The following NCAPG variants were observed in gnomAD, a reference collection of about 807,000 sequenced individuals.
The protein encoded by NCAPG is non-SMC condensin I complex subunit G.
Under a neutral mutation model 113.1 loss-of-function variants are expected in NCAPG, and 69 were observed. The ratio of observed to expected loss-of-function variants is 0.61; its 90% confidence interval spans 0.50 to 0.75. The LOEUF (loss-of-function observed/expected upper bound fraction) is 0.75, where lower values mean the gene tolerates loss of function less well. NCAPG is among the 30% of genes least tolerant of loss of function. The pLI, the probability that NCAPG is intolerant of heterozygous loss-of-function variation, is 0.00. For synonymous variants in NCAPG, 370 were observed against 415.8 expected (o/e 0.89, Z 1.34); for missense variants, 1,058 against 1,177.0 (o/e 0.90, Z 1.48).
chr4:17,813,243 T>C, intron 3 of NCAPG, 98 bp downstream of exon 3: 1 of 949,788 alleles, frequency 1.1e-6, no homozygotes, highest in Non-Finnish European at 1.5e-6. Flanking sequence ...TTGAAGAGTA[T>C]AGGTAATTAA....
At chr4:17,826,092 G>A (rs78490093) in intron 11 of NCAPG, among the ~76,000 whole-genome samples, 1 of 151,830 alleles carries the variant, frequency 6.6e-6, no homozygotes, top group Non-Finnish European at 1.5e-5. Context: ...TCAGTAGTTC[G>A]TTTTTTAAAA....
At chr4:17,815,166 TA>T (rs1366861028) in intron 4 of NCAPG, 107 bp from the exon 5 acceptor site, 3 of 1,234,984 alleles carry the variant, frequency 2.4e-6, no homozygotes, top group Non-Finnish European at 3.4e-6. Context: ...TGTTACCAGG[TA>T]TTAATTTCTT....
chr4:17,842,692 G>C (rs1274361854), intron 20 of NCAPG: 1 of 266,050 alleles, frequency 3.8e-6, no homozygotes, highest in African/African-American at 2.3e-5. Context: ...ATAATATTTG[G>C]GTTCTCTACA....
chr4:17,824,002 AG>A (rs1019816985), intron 9 of NCAPG, among the ~76,000 whole-genome samples: 3 of 152,072 alleles, frequency 2.0e-5, no homozygotes, highest in African/African-American at 7.2e-5. Context: ...TTTGAAATGG[AG>A]CAGGTTTGGT....
chr4:17,840,289 C>A, intron 18 of NCAPG, 80 bp downstream of exon 18: 1 of 1,387,496 alleles, frequency 7.2e-7, no homozygotes. Flanking sequence ...TTTTTCTACT[C>A]TAACATGTTT....
intron 4 of NCAPG, 69 bp from the exon 5 acceptor site, chr4:17,815,205 T>C: frequency 2.2e-6 from 3 of 1,382,978 alleles, no homozygotes; most frequent in Non-Finnish European, 3.0e-6. Flanking sequence ...TTTTCTAAGA[T>C]GGTGATATTC....
Position 17,811,210 on chromosome 4 carries a change from C to T in NCAPG, c.111+22C>T. Reference sequence around the variant, plus strand: ...CACGGTAAGCGCTCCCGGCCCCGGCCGCCGCCTCTCGCCCGCCCCGGCCCA... The same window carrying T: ...CACGGTAAGCGCTCCCGGCCCCGGCTGCCGCCTCTCGCCCGCCCCGGCCCA... On this transcript the variant is annotated intron_variant, in intron 1 of 20. Coordinates refer to ENST00000251496, the MANE Select transcript of NCAPG (RefSeq NM_022346.5). The surrounding 1 kb of genome is among the most constrained non-coding windows in gnomAD (Gnocchi z 5.3). 1 of 1,400,516 alleles carries T rather than the reference C, an allele frequency of 7.1e-7. No homozygotes were observed. Among genetic ancestry groups the T allele is most frequent in the Non-Finnish European group, 9.5e-7 (1 of 1,056,090 alleles). The allele number at this position is 1,400,516 out of a possible 1,614,324, so 86.8% of individuals were successfully genotyped here.
chr4:17,843,598 T>C lies in NCAPG; in HGVS notation c.*173T>C. 1 of 575,830 alleles carries C rather than the reference T, an allele frequency of 1.7e-6. No individual in the cohort carries two copies. Among genetic ancestry groups the C allele is most frequent in the East Asian group, 3.2e-5 (1 of 31,664 alleles). The allele number at this position is 575,830 out of a possible 1,614,324, so 35.7% of individuals were successfully genotyped here. Reference sequence around the variant, plus strand: ...AAAGCAGTAGAGCAGCATCAGTTATTATAGTCCAGAAAAAGTGTGCATCAG... The same window carrying C: ...AAAGCAGTAGAGCAGCATCAGTTATCATAGTCCAGAAAAAGTGTGCATCAG... On this transcript the variant is annotated 3_prime_UTR_variant, in exon 21 of 21. Transcript: ENST00000251496.
intron 12 of NCAPG, among the ~76,000 whole-genome samples, chr4:17,830,703 G>T (rs1045672799): frequency 1.3e-5 from 2 of 152,038 alleles, no homozygotes; most frequent in Non-Finnish European, 2.9e-5. Flanking sequence ...AGGTAGCATG[G>T]TATAAGAAGA....
At position 17,823,687 on chromosome 4, in the gene NCAPG, C is replaced by T; in HGVS notation, c.1300C>T (p.Pro434Ser). Reference protein sequence around the residue: ...LAVLQEILILPTIPISLVSFL... With the variant: ...LAVLQEILILSTIPISLVSFL... ...TGTTTTACAGGAGATTCTTATTTTA[C>T]CCACAATCCCAATATCCCTGGTTTC... Residue 434 changes from proline to serine, a missense_variant, in exon 9 of 21, where the codon CCC becomes TCC. Pro to Ser is a moderately conservative substitution (Grantham distance 74, BLOSUM62 -1). Coordinates refer to ENST00000251496, the MANE Select transcript of NCAPG (RefSeq NM_022346.5). The T allele has an allele frequency of 6.2e-7, 1 of 1,610,418 alleles. No homozygotes were observed.
At position 17,844,581 on chromosome 4, in the gene NCAPG, T is replaced by C. The variant is rs1722741155; in HGVS notation, c.*1156T>C. The C allele has an allele frequency of 6.6e-6, 1 of 152,412 alleles. No homozygotes were observed. Among genetic ancestry groups the C allele is most frequent in the African/African-American group, 2.4e-5 (1 of 41,424 alleles). 9.4% of individuals were successfully genotyped at this position (152,412 alleles called of 1,614,324 possible). A position where few individuals can be genotyped will look rare whatever the true frequency, so the allele number is the denominator to read the frequency against. On this transcript the variant is annotated 3_prime_UTR_variant, in exon 21 of 21. Coordinates refer to ENST00000251496, the MANE Select transcript of NCAPG (RefSeq NM_022346.5). ...AAAAATGGTAATGATAGAAAGTCAG[T>C]TAAAAATAGATGATTGTTCTTCATT...
intron 11 of NCAPG, among the ~76,000 whole-genome samples, chr4:17,827,404 C>T (rs555418302): frequency 2.6e-4 from 39 of 152,220 alleles, no homozygotes; most frequent in African/African-American, 8.2e-4. Context: ...AGTTGGGAGA[C>T]TTACAGTAGG....
chr4:17,828,241 G>T, intron 11 of NCAPG, 37 bp from the exon 12 acceptor site: 1 of 1,443,668 alleles, frequency 6.9e-7, no homozygotes, highest in South Asian at 1.2e-5. Context: ...ATGGGGAGAA[G>T]ATATTACTAA....
chr4:17,815,439 A>G (rs1721162965), intron 5 of NCAPG, 81 bp downstream of exon 5: 5 of 1,007,336 alleles, frequency 5.0e-6, no homozygotes, highest in Non-Finnish European at 7.3e-6. Flanking sequence ...ACGAGTGTCA[A>G]ATCAGGTCAA....
In NCAPG at chr4:17,812,424, G is replaced by C; in HGVS notation, c.315G>C (p.Lys105Asn). The change falls in exon 2 of 21, where the codon AAG becomes AAC. Residue 105 changes from lysine to asparagine, a missense_variant and splice_region_variant. Lys to Asn is a moderately conservative substitution (Grantham distance 94, BLOSUM62 0). Transcript: ENST00000251496. ...ATTATTTGTTTACTTTTCTCTTAAA[G>C]GTACTATGAAAATGATAGCTTTGGG... The part of the protein sequence containing the change: ...LLNYLFTFLL[K>N]SHEANSNAVR... 6.2e-7 allele frequency: 1 copy of C among 1,611,686 alleles called. No homozygotes were observed.
At chr4:17,817,586 G>GA (rs1721266521) in intron 6 of NCAPG, 133 bp downstream of exon 6, 1 of 723,014 alleles carries the variant, frequency 1.4e-6, no homozygotes, top group African/African-American at 1.8e-5. Context: ...CTTTTAGTCT[G>GA]ATGAATATCC....
chr4:17,830,901 T>C, intron 12 of NCAPG, 96 bp from the exon 13 acceptor site: 1 of 1,285,452 alleles, frequency 7.8e-7, no homozygotes, highest in South Asian at 1.4e-5. Flanking sequence ...ACTTACCTTT[T>C]CTTTAAAAGT....
At chr4:17,821,840 G>A (rs963306110) in intron 7 of NCAPG, among the ~76,000 whole-genome samples, 1 of 151,986 alleles carries the variant, frequency 6.6e-6, no homozygotes, top group Non-Finnish European at 1.5e-5. Flanking sequence ...AAGGCACTTC[G>A]CTGTCTAAGC....
At position 17,837,697 on chromosome 4, in the gene NCAPG, TCTC is replaced by T; in HGVS notation, c.2365_2367del (p.Pro789del). 6.2e-7 allele frequency: 1 copy of T among 1,614,038 alleles called. No individual in the cohort carries two copies. The highest frequency in any genetic ancestry group is 8.5e-7 in the Non-Finnish European group (1 of 1,179,936). ...AACACTGGCCAATGCCCCTGCATCT[TCTC>T]CTTTAGCTGAAATTGATATCACAAA... On this transcript the variant is annotated inframe_deletion, in exon 16 of 21. Transcript: ENST00000251496.
Sources: allele counts gnomAD v4.1 joint callset (sites outside exome capture counted in the v4.1 genomes callset), GRCh38; gene constraint gnomAD v4.1.1; non-coding constraint Gnocchi (gnomAD v3.1); transcripts MANE v1.5; gene names NCBI Gene and HGNC (gene_info 2026-07-23, HGNC 2026-07-21).